The following TRPS1 variants were observed in gnomAD, a reference collection of about 807,000 sequenced individuals.
The protein encoded by TRPS1 is transcriptional repressor GATA binding 1.
Under a neutral mutation model 101.2 loss-of-function variants are expected in TRPS1, and 6 were observed. The ratio of observed to expected loss-of-function variants is 0.06; its 90% CI spans 0.03 to 0.12. TRPS1 has a LOEUF of 0.12. Among genes scored for constraint, TRPS1 ranks in the 10% least tolerant of loss-of-function variants. The probability of loss-of-function intolerance (pLI) is 1.00; values close to 1 mark genes in which losing one functional copy is unlikely to be tolerated. For synonymous variants in TRPS1, 578 were observed against 589.8 expected (o/e 0.98, Z 0.29); for missense variants, 1,363 against 1,567.0 (o/e 0.87, Z 2.20).
chr8:115,596,202 T>G (rs1219887795), intron 4 of TRPS1, among the ~76,000 whole-genome samples: 2 of 151,970 alleles, frequency 1.3e-5, no homozygotes, highest in Non-Finnish European at 2.9e-5. Context: ...TGTCATCGCA[T>G]ACACTACCAA....
chr8:115,591,380 G>A (rs1378376588), intron 4 of TRPS1, among the ~76,000 whole-genome samples: 1 of 152,132 alleles, frequency 6.6e-6, no homozygotes, highest in Non-Finnish European at 1.5e-5. Context: ...CTAGATTGCA[G>A]AATCAGTAGA....
At chr8:115,467,393 G>A (rs1223720516) in intron 5 of TRPS1, among the ~76,000 whole-genome samples, 3 of 151,298 alleles carry the variant, frequency 2.0e-5, no homozygotes, top group Non-Finnish European at 4.4e-5. Flanking sequence ...AGGTGTGAAT[G>A]GAGGATGCTC....
chr8:115,499,198 A>G (rs2130135990), intron 5 of TRPS1, among the ~76,000 whole-genome samples: 1 of 152,322 alleles, frequency 6.6e-6, no homozygotes, highest in East Asian at 1.9e-4. Context: ...GTTATTTCCT[A>G]AACTGCTTGT....
intron 1 of TRPS1, chr8:115,668,244 G>A: frequency 3.9e-6 from 1 of 255,116 alleles, no homozygotes; most frequent in Non-Finnish European, 7.4e-6. Context: ...CAGAAGAGAA[G>A]AAAGAAAGAA....
intron 5 of TRPS1, among the ~76,000 whole-genome samples, chr8:115,565,876 C>A (rs1373548684): frequency 1.3e-5 from 2 of 151,998 alleles, no homozygotes; most frequent in East Asian, 1.9e-4. Context: ...CTGATTACAC[C>A]AAAGGCAATA....
chr8:115,497,503 C>T (rs1026516771), intron 5 of TRPS1, among the ~76,000 whole-genome samples: 10 of 152,152 alleles, frequency 6.6e-5, no homozygotes, highest in African/African-American at 2.2e-4. Context: ...CCTCCACTCC[C>T]TTATCATATT....
chr8:115,480,912 G>T (rs1403717846), intron 5 of TRPS1, among the ~76,000 whole-genome samples: 1 of 152,068 alleles, frequency 6.6e-6, no homozygotes. Flanking sequence ...AAAATAAGTC[G>T]ACAGAATTAT....
At chr8:115,430,364 C>T (rs959573290) in intron 5 of TRPS1, among the ~76,000 whole-genome samples, 6 of 152,042 alleles carry the variant, frequency 3.9e-5, no homozygotes, top group African/African-American at 1.4e-4. Context: ...ATTATCAGTG[C>T]TTTGCATATA....
intron 5 of TRPS1, among the ~76,000 whole-genome samples, chr8:115,578,261 A>G (rs1350691344): frequency 6.6e-6 from 1 of 152,154 alleles, no homozygotes; most frequent in Admixed American, 6.5e-5. Context: ...TATTTCTAGG[A>G]TATTTTTCCC....
chr8:115,424,530 T>C (rs1399103377), intron 5 of TRPS1, among the ~76,000 whole-genome samples: 1 of 152,168 alleles, frequency 6.6e-6, no homozygotes, highest in African/African-American at 2.4e-5. Flanking sequence ...ACATACTAAT[T>C]ATGGAGCTAA....
At chr8:115,584,531 T>C (rs1817521371) in intron 5 of TRPS1, among the ~76,000 whole-genome samples, 1 of 151,974 alleles carries the variant, frequency 6.6e-6, no homozygotes, top group South Asian at 2.1e-4. Flanking sequence ...TATTTTAAAT[T>C]ATTACAGGAC....
At chr8:115,499,237 A>G (rs1230594399) in intron 5 of TRPS1, among the ~76,000 whole-genome samples, 1 of 152,206 alleles carries the variant, frequency 6.6e-6, no homozygotes, top group East Asian at 1.9e-4. Context: ...CTTATAAAGT[A>G]TTTTATGATT....
At chr8:115,616,815 C>T (rs997643785) in intron 3 of TRPS1, among the ~76,000 whole-genome samples, 1 of 152,164 alleles carries the variant, frequency 6.6e-6, no homozygotes, top group East Asian at 1.9e-4. Context: ...TTATCTCCCA[C>T]AGCTTTTAGC....
At chr8:115,606,615 T>C (rs1395148611) in intron 3 of TRPS1, among the ~76,000 whole-genome samples, 2 of 152,106 alleles carry the variant, frequency 1.3e-5, no homozygotes, top group Non-Finnish European at 1.5e-5. Flanking sequence ...AATCATTCAA[T>C]GGTGTGAGAG....
intron 4 of TRPS1, among the ~76,000 whole-genome samples, chr8:115,597,118 T>A (rs1363332623): frequency 1.3e-5 from 2 of 152,086 alleles, no homozygotes; most frequent in East Asian, 3.9e-4. Context: ...AAAAATGCAA[T>A]TATGAACATT....
rs987171019 is a variant in TRPS1 at position 115,408,604 on chromosome 8, G to C, written c.*5419C>G. 6.6e-6 allele frequency: 1 copy of C among 150,760 alleles called. No homozygotes were observed. Among genetic ancestry groups the C allele is most frequent in the African/African-American group, 2.4e-5 (1 of 40,932 alleles). The allele number at this position is 150,760 out of a possible 1,614,324, so 9.3% of individuals were successfully genotyped here. A position where few individuals can be genotyped will look rare whatever the true frequency, so the allele number is the denominator to read the frequency against. ...TACACCAAGAACATGTTTGTGAGTA[G>C]AAATGAACATGCACTATGAAAACAA... On this transcript the variant is annotated 3_prime_UTR_variant, in exon 7 of 7. Coordinates refer to ENST00000395715, the MANE Select transcript of TRPS1 (RefSeq NM_014112.5).
intron 5 of TRPS1, among the ~76,000 whole-genome samples, chr8:115,483,092 G>A (rs1308444272): frequency 6.6e-6 from 1 of 152,042 alleles, no homozygotes; most frequent in Admixed American, 6.6e-5. Context: ...CATGTTTCCA[G>A]AACCTAACTG....
Position 115,414,287 on chromosome 8 carries a change from T to C in TRPS1, c.3621A>G (p.Glu1207=), listed in dbSNP as rs1032444308. The C allele has an allele frequency of 1.9e-5, 31 of 1,613,864 alleles. No homozygotes were observed. Among genetic ancestry groups the C allele is most frequent in the Non-Finnish European group, 2.6e-5 (31 of 1,179,948 alleles). ...KTKAPPNVKN[E]GPLNVVKTEK... Reference sequence around the variant, plus strand: ...CTGTTTTTACTACATTCAAGGGACCTTCATTTTTTACATTTGGTGGTGCCT... The same window carrying C: ...CTGTTTTTACTACATTCAAGGGACCCTCATTTTTTACATTTGGTGGTGCCT... The change falls in exon 7 of 7, where the codon GAA becomes GAG. Residue 1207 remains glutamate, a synonymous_variant. Coordinates refer to ENST00000395715, the MANE Select transcript of TRPS1 (RefSeq NM_014112.5). The surrounding 1 kb of genome is among the most constrained non-coding windows in gnomAD (Gnocchi z 4.8).
intron 5 of TRPS1, among the ~76,000 whole-genome samples, chr8:115,478,565 AG>A (rs1814663222): frequency 6.6e-6 from 1 of 152,026 alleles, no homozygotes; most frequent in South Asian, 2.1e-4. Flanking sequence ...GCACTTTGGG[AG>A]GTCGAGGCAG....
Sources: allele counts gnomAD v4.1 joint callset (sites outside exome capture counted in the v4.1 genomes callset), GRCh38; gene constraint gnomAD v4.1.1; non-coding constraint Gnocchi (gnomAD v3.1); transcripts MANE v1.5; gene names NCBI Gene and HGNC (gene_info 2026-07-23, HGNC 2026-07-21).